The following SGIP1 variants were observed in gnomAD, a reference collection of about 807,000 sequenced individuals.
The protein encoded by SGIP1 is SH3-containing GRB2-like protein 3-interacting protein 1.
Under a neutral mutation model 107.5 loss-of-function variants are expected in SGIP1, and 38 were observed. The observed-to-expected ratio is 0.35, with a 90% confidence interval of 0.27 to 0.46. The LOEUF (loss-of-function observed/expected upper bound fraction) is 0.46. Among genes scored for constraint, SGIP1 ranks in the 20% least tolerant of loss-of-function variants. The probability of loss-of-function intolerance (pLI) is 1.00; values close to 1 mark genes in which losing one functional copy is unlikely to be tolerated. For missense variants in SGIP1, 929 were observed against 1,019.5 expected, an observed-to-expected ratio of 0.91 and a Z score of 1.21; for synonymous variants, 365 against 366.1, an observed-to-expected ratio of 1.00 and a Z score of 0.03.
chr1:66,728,649 ATTG>A (rs1346928121), intron 19 of SGIP1, among the ~76,000 whole-genome samples: 1 of 152,218 alleles, frequency 6.6e-6, no homozygotes, highest in Non-Finnish European at 1.5e-5. Flanking sequence ...AGACACATGC[ATTG>A]GTATGTTCAT....
intron 9 of SGIP1, 95 bp from the exon 10 acceptor site, chr1:66,670,900 T>C: frequency 8.8e-6 from 5 of 566,472 alleles, no homozygotes; most frequent in Non-Finnish European, 1.2e-5. Flanking sequence ...TCTGCATTTA[T>C]TTGAGTTCAG....
chr1:66,671,510 T>A (rs1241137899), intron 10 of SGIP1, among the ~76,000 whole-genome samples: 1 of 152,164 alleles, frequency 6.6e-6, no homozygotes, highest in Non-Finnish European at 1.5e-5. Flanking sequence ...AAATTCATGT[T>A]TCATAGTTAA....
chr1:66,559,129 C>T (rs1229970392), intron 1 of SGIP1, among the ~76,000 whole-genome samples: 1 of 152,086 alleles, frequency 6.6e-6, no homozygotes, highest in Non-Finnish European at 1.5e-5. Flanking sequence ...TTGGGCAATG[C>T]TTCTTCAAAT....
At chr1:66,554,459 A>C (rs2057890450) in intron 1 of SGIP1, among the ~76,000 whole-genome samples, 1 of 152,134 alleles carries the variant, frequency 6.6e-6, no homozygotes, top group South Asian at 2.1e-4. Flanking sequence ...CCCTAATCCT[A>C]GAAAATCTGA....
chr1:66,619,648 T>C lies in SGIP1; in HGVS notation c.11-6199T>C, dbSNP rs181294373. ...CCAGCTAGCAATGGAATGGCAGGAA[T>C]ACAGGACAAGGAGAGAAAGGAGGGG... On this transcript the variant is annotated intron_variant, in intron 1 of 24. Coordinates refer to ENST00000371037, the MANE Select transcript of SGIP1 (RefSeq NM_032291.4). 2.2e-4 allele frequency among the ~76,000 whole-genome samples: 34 copies of C among 152,362 alleles called. No individual in the cohort carries two copies. The East Asian group carries it at 6.2e-3, about 28-fold the overall frequency.
At chr1:66,591,874 G>A (rs144031927) in intron 1 of SGIP1, among the ~76,000 whole-genome samples, 1 of 152,210 alleles carries the variant, frequency 6.6e-6, no homozygotes, top group Non-Finnish European at 1.5e-5. Context: ...GAAAAGTGCT[G>A]TGCCTCCATG....
rs1474108837 is a variant in SGIP1, at chr1:66,639,822, T to G, written c.217T>G (p.Trp73Gly). Residue 73 changes from tryptophan (W) to glycine (G), a missense_variant, in exon 5 of 25, where the codon TGG becomes GGG. Trp to Gly is a radical substitution (Grantham distance 184). Coordinates refer to ENST00000371037, the MANE Select transcript of SGIP1 (RefSeq NM_032291.4). ...APNGFYAEID[W>G]ERYNSPELDE... is the part of the protein sequence containing the mutation. ...AAATGGATTTTATGCGGAAATTGATTGGGAAAGATATGTGAGTATCAGAAG... is the reference window on the plus strand; with the variant it reads ...AAATGGATTTTATGCGGAAATTGATGGGGAAAGATATGTGAGTATCAGAAG... 2 of 1,611,936 alleles carry G rather than the reference T, an allele frequency of 1.2e-6. No individual in the cohort carries two copies. The highest frequency in any genetic ancestry group is 2.7e-5 in the African/African-American group (2 of 74,990).
chr1:66,582,813 G>A (rs12027701), intron 1 of SGIP1, among the ~76,000 whole-genome samples: 19,948 of 151,288 alleles, frequency 0.13, 1,974 homozygotes, highest in East Asian at 0.46. Context: ...GAACAATTTA[G>A]GATTTTGTTA....
At chr1:66,581,853 A>ATTT (rs2061870813) in intron 1 of SGIP1, among the ~76,000 whole-genome samples, 1 of 152,124 alleles carries the variant, frequency 6.6e-6, no homozygotes, top group African/African-American at 2.4e-5. Context: ...ATTTTACTTC[A>ATTT]ACAAATGAAG....
At chr1:66,535,600 A>C (rs2053421721) in intron 1 of SGIP1, among the ~76,000 whole-genome samples, 1 of 152,184 alleles carries the variant, frequency 6.6e-6, no homozygotes, top group Middle Eastern at 3.2e-3. Flanking sequence ...TAGAGTCAAA[A>C]CCCACAGATT....
rs572301131 is a variant in SGIP1 at position 66,667,690 on chromosome 1, C to T, written c.483+149C>T. 102 of 712,722 alleles carry T rather than the reference C, an allele frequency of 1.4e-4. 2 individuals carry two copies. In the South Asian group the frequency reaches 1.6e-3, roughly 11 times the overall value. 44.1% of individuals were successfully genotyped at this position (712,722 alleles called of 1,614,324 possible). A position where few individuals can be genotyped will look rare whatever the true frequency, so the allele number is the denominator to read the frequency against. ...GTTTACTGATTGAAAGCCTCTGACC[C>T]TCTTAAGTATCAAGGGCATATTTTA... On this transcript the variant is annotated intron_variant, in intron 9 of 24. Coordinates refer to ENST00000371037, the MANE Select transcript of SGIP1 (RefSeq NM_032291.4).
intron 19 of SGIP1, among the ~76,000 whole-genome samples, chr1:66,726,300 C>T (rs1048149143): frequency 6.6e-6 from 1 of 152,100 alleles, no homozygotes; most frequent in African/African-American, 2.4e-5. Flanking sequence ...AATAAAGATC[C>T]GTTAATTTTC....
At chr1:66,675,255 G>A (rs1014090173) in intron 12 of SGIP1, among the ~76,000 whole-genome samples, 2 of 152,078 alleles carry the variant, frequency 1.3e-5, no homozygotes, top group African/African-American at 2.4e-5. Flanking sequence ...ATGCTGCTTC[G>A]TATCTTTGGA....
At chr1:66,635,871 T>A (rs1353944083) in intron 3 of SGIP1, 73 bp from the exon 4 acceptor site, 1 of 1,470,906 alleles carries the variant, frequency 6.8e-7, no homozygotes, top group Non-Finnish European at 9.5e-7. Context: ...CTCCATGTAA[T>A]TCTTTATATG....
At chr1:66,671,349 C>A (rs957187352) in intron 10 of SGIP1, among the ~76,000 whole-genome samples, 1 of 152,002 alleles carries the variant, frequency 6.6e-6, no homozygotes, top group Non-Finnish European at 1.5e-5. Flanking sequence ...GAAGAACAGG[C>A]GGGCAGAAGG....
intron 2 of SGIP1, among the ~76,000 whole-genome samples, chr1:66,631,052 AAAGAAAG>A (rs1397271676): frequency 1.4e-5 from 1 of 71,082 alleles, no homozygotes; most frequent in Admixed American, 1.7e-4. Context: ...AGGAAGAAAG[AAAGAAAG>A]AAAGAAAGAA....
chr1:66,734,535 C>T (rs1412851841), intron 21 of SGIP1, among the ~76,000 whole-genome samples: 1 of 147,046 alleles, frequency 6.8e-6, no homozygotes, highest in Non-Finnish European at 1.5e-5. Context: ...GACAGAGTCT[C>T]ACCCTATCAC....
chr1:66,631,354 T>G (rs2074643785), intron 2 of SGIP1, among the ~76,000 whole-genome samples: 1 of 152,194 alleles, frequency 6.6e-6, no homozygotes, highest in Non-Finnish European at 1.5e-5. Context: ...TCATTCTATT[T>G]TAAATAAAAT....
rs568173154 is a variant in SGIP1, at chr1:66,578,539, C to CT, written c.10+44177dup. On this transcript the variant is annotated intron_variant, in intron 1 of 24. Coordinates refer to ENST00000371037, the MANE Select transcript of SGIP1 (RefSeq NM_032291.4). ...TAGGTAAAGCAATTGTTTTTATTCACTTTTTTCTTAAGGGGGTATTGAGGC... is the reference window on the plus strand; with the variant it reads ...TAGGTAAAGCAATTGTTTTTATTCACTTTTTTTCTTAAGGGGGTATTGAGGC... 6.6e-5 allele frequency among the ~76,000 whole-genome samples: 10 copies of CT among 152,274 alleles called. No individual in the cohort carries two copies. In the East Asian group the frequency reaches 1.5e-3, roughly 24 times the overall value.
Sources: gnomAD v4.1 joint callset for allele counts (sites outside exome capture counted in the v4.1 genomes callset) on GRCh38, gnomAD v4.1.1 for gene constraint, MANE v1.5 for transcripts, NCBI Gene and HGNC (gene_info 2026-07-23, HGNC 2026-07-21) for gene names.